Variants in TG observed in about 807,000 individuals in gnomAD.
The protein encoded by TG is thyroglobulin, also known as thyroid hormones.
In TG, 270 loss-of-function variants were observed where a neutral mutation model predicts 324.7. The observed-to-expected ratio is 0.83, with a 90% CI of 0.75 to 0.92. The LOEUF is 0.92. Among genes scored for constraint, TG ranks in the 40% least tolerant of loss-of-function variants. The pLI, the probability that TG is intolerant of heterozygous loss-of-function variation, is 0.00. For missense variants in TG, 3,591 were observed against 3,456.4 expected (o/e 1.04, Z -0.98); for synonymous variants, 1,401 against 1,327.0 (o/e 1.06, Z -1.21).
chr8:133,132,334 C>T (rs551539474), intron 46 of TG, among the ~76,000 whole-genome samples: 3 of 152,302 alleles, frequency 2.0e-5, no homozygotes, highest in Non-Finnish European at 2.9e-5. Context: ...GTTTTGAGAA[C>T]CAAGCATGTC....
intron 41 of TG, chr8:133,037,295 AT>A (rs1437497280): frequency 3.9e-5 from 6 of 152,276 alleles, no homozygotes; most frequent in Non-Finnish European, 8.8e-5. Flanking sequence ...GTCTCTTAAA[AT>A]TATGCATGAC....
rs761871470 is a variant in TG, at chr8:132,893,887, C to T, written c.2959C>T (p.Leu987=). The T allele has an allele frequency of 3.7e-6, 6 of 1,614,076 alleles. No individual in the cohort carries two copies. The South Asian group carries it at 6.6e-5, about 18-fold the overall frequency. Residue 987 remains leucine, a synonymous_variant, in exon 11 of 48, where the codon CTG becomes TTG. Coordinates refer to ENST00000220616, the MANE Select transcript of TG (RefSeq NM_003235.5). The part of the protein sequence containing the change: ...PPREAFAEQF[L]RGSDYAIRLA... ...CCGGGAGGCTTTCGCGGAGCAGTTTCTGCGTGGGAGTGATTACGCCATTCG... is the reference window on the plus strand; with the variant it reads ...CCGGGAGGCTTTCGCGGAGCAGTTTTTGCGTGGGAGTGATTACGCCATTCG...
intron 41 of TG, chr8:133,060,422 G>T: frequency 6.8e-7 from 1 of 1,465,626 alleles, no homozygotes. Flanking sequence ...GAGGGAAGTT[G>T]CTAGCAAATG....
rs368985656 is a variant in TG at position 133,109,235 on chromosome 8, A to G, written c.7573-4187A>G. ...GTGAAGTTCCCAGGCCAACGGCATC[A>G]GCATCACCTGGGAGCTTGTTAAAAT... On this transcript the variant is annotated intron_variant, in intron 43 of 47. Coordinates refer to ENST00000220616, the MANE Select transcript of TG (RefSeq NM_003235.5). Among the ~76,000 whole-genome samples, 105 of 152,306 alleles carry G rather than the reference A, an allele frequency of 6.9e-4. 1 individual carries two copies. The highest frequency in any genetic ancestry group is 2.4e-3 in the African/African-American group (101 of 41,560).
intron 41 of TG, chr8:133,037,357 C>T (rs1683801634): frequency 6.6e-6 from 1 of 152,158 alleles, no homozygotes; most frequent in Admixed American, 6.5e-5. Flanking sequence ...AGCATTTTTC[C>T]TCATATGGAT....
At chr8:132,928,075 A>G (rs1046135696) in intron 22 of TG, among the ~76,000 whole-genome samples, 4 of 152,208 alleles carry the variant, frequency 2.6e-5, no homozygotes, top group African/African-American at 9.6e-5. Flanking sequence ...CTGGCCGAGC[A>G]TGTCATTAAT....
At chr8:133,055,851 GCAGCAGCAGCAGCAGCAGC>G (rs1841350540) in intron 41 of TG, among the ~76,000 whole-genome samples, 1 of 107,008 alleles carries the variant, frequency 9.3e-6, no homozygotes, top group Non-Finnish European at 2.1e-5. Flanking sequence ...AGCAGCAGCA[GCAGCAGCAGCAGCAGCAGC>G]AGGGCGCACA....
At chr8:133,099,326 G>A (rs1423787259) in intron 43 of TG, among the ~76,000 whole-genome samples, 1 of 152,192 alleles carries the variant, frequency 6.6e-6, no homozygotes. Context: ...CATTAGTGAA[G>A]CCACTGAGCA....
intron 23 of TG, among the ~76,000 whole-genome samples, chr8:132,931,591 T>A (rs1419037845): frequency 6.6e-6 from 1 of 152,082 alleles, no homozygotes; most frequent in Non-Finnish European, 1.5e-5. Flanking sequence ...ATGGTTGGGG[T>A]CATGGTAGGA....
At chr8:133,025,774 CAT>C (rs1192972088) in intron 40 of TG, among the ~76,000 whole-genome samples, 3 of 152,164 alleles carry the variant, frequency 2.0e-5, no homozygotes, top group African/African-American at 7.2e-5. Flanking sequence ...CAGTTCAGAA[CAT>C]AGATTTGGAA....
chr8:132,981,798 G>A (rs1298115334), intron 34 of TG, among the ~76,000 whole-genome samples: 1 of 152,166 alleles, frequency 6.6e-6, no homozygotes, highest in Non-Finnish European at 1.5e-5. Context: ...GAGATCTGGT[G>A]CCTTAGAGTG....
At chr8:133,015,518 G>A (rs929702867) in intron 37 of TG, among the ~76,000 whole-genome samples, 6 of 152,302 alleles carry the variant, frequency 3.9e-5, no homozygotes, top group African/African-American at 1.4e-4. Context: ...TGATCTCATT[G>A]AGTTGGGGAT....
At chr8:132,884,117 T>G (rs1003963925) in intron 8 of TG, among the ~76,000 whole-genome samples, 1 of 152,242 alleles carries the variant, frequency 6.6e-6, no homozygotes, top group African/African-American at 2.4e-5. Flanking sequence ...CCAGTCATGT[T>G]GGGTTAAGGC....
At chr8:133,055,287 G>C (rs2702969) in intron 41 of TG, among the ~76,000 whole-genome samples, 113,489 of 151,322 alleles carry the variant, frequency 0.75, 43,510 homozygotes, top group African/African-American at 0.89. Context: ...TGGAGTCATG[G>C]CTAAACTCAT....
At chr8:133,122,602 G>A (rs913769739) in intron 45 of TG, among the ~76,000 whole-genome samples, 2 of 152,096 alleles carry the variant, frequency 1.3e-5, no homozygotes, top group African/African-American at 4.8e-5. Flanking sequence ...ACCTCTCTTA[G>A]CCTCCATGTA....
At chr8:133,128,734 C>T (rs942822489) in intron 45 of TG, among the ~76,000 whole-genome samples, 1 of 152,192 alleles carries the variant, frequency 6.6e-6, no homozygotes, top group African/African-American at 2.4e-5. Context: ...GAGCAGCTGT[C>T]AGATGAGGGG....
rs766282226 is a variant in TG at position 132,906,811 on chromosome 8, C to T, written c.3758C>T (p.Ser1253Phe). The T allele has an allele frequency of 1.8e-5, 29 of 1,614,062 alleles. No individual in the cohort carries two copies. The highest frequency in any genetic ancestry group is 2.5e-5 in the Non-Finnish European group (29 of 1,180,050). ...TGCCAATTGCTGTGCCGCCAGGGCT[C>T]CTGGAGCGTGTTTCCACCAGGGCCA... is the stretch of plus-strand genomic sequence containing the variant. The part of the protein sequence containing the change: ...QQCQLLCRQG[S>F]WSVFPPGPLI... Residue 1253 changes from serine to phenylalanine, a missense_variant, in exon 17 of 48, where the codon TCC (serine) becomes TTC (phenylalanine). Physicochemically the swap from Ser to Phe is radical, Grantham distance 155 (BLOSUM62 -2). Transcript: ENST00000220616.
At chr8:132,951,561 C>T (rs1826102052) in intron 27 of TG, among the ~76,000 whole-genome samples, 1 of 152,172 alleles carries the variant, frequency 6.6e-6, no homozygotes, top group South Asian at 2.1e-4. Context: ...TGTCTGGCCT[C>T]CCAGAGTAGC....
chr8:133,080,942 G>C (rs1030746792), intron 41 of TG, among the ~76,000 whole-genome samples: 1 of 152,320 alleles, frequency 6.6e-6, no homozygotes, highest in Admixed American at 6.5e-5. Flanking sequence ...AAGGCCACTT[G>C]GTGTTTTATT....
Sources: gnomAD v4.1 joint callset for allele counts (sites outside exome capture counted in the v4.1 genomes callset) on GRCh38, gnomAD v4.1.1 for gene constraint, MANE v1.5 for transcripts, NCBI Gene and HGNC (gene_info 2026-07-23, HGNC 2026-07-21) for gene names.